SAFB2: variants seen among roughly 807,000 people sequenced by gnomAD.
SAFB2 encodes the protein scaffold attachment factor B2.
SAFB2 carries 32 observed loss-of-function variants against 100.6 expected under a neutral mutation model. The ratio of observed to expected loss-of-function variants is 0.32; its 90% CI spans 0.24 to 0.43. The LOEUF (loss-of-function observed/expected upper bound fraction) is 0.43, where lower values mean the gene tolerates loss of function less well. SAFB2 is among the 20% of genes least tolerant of loss of function. SAFB2 has a pLI of 1.00. For missense variants in SAFB2, 1,185 were observed against 1,163.4 expected, an observed-to-expected ratio of 1.02 and a Z score of -0.27; for synonymous variants, 500 against 439.4, an observed-to-expected ratio of 1.14 and a Z score of -1.72.
At position 5,622,551 on chromosome 19, in the gene SAFB2, G is replaced by C. The variant is rs771378589; in HGVS notation, c.165C>G (p.Val55=). 6 of 1,612,106 alleles carry C rather than the reference G, an allele frequency of 3.7e-6. No individual in the cohort carries two copies. The Admixed American group carries it at 8.3e-5, about 22-fold the overall frequency. The part of the protein sequence containing the change: ...RNLDTGGNKS[V]LMERLKKAVK... The stretch of plus-strand genomic sequence containing the variant: ...TCACCTTCTTGAGCCGCTCCATCAG[G>C]ACGCTCTTGTTGCCGCCCGTGTCCA... Residue 55 remains valine, a synonymous_variant, in exon 1 of 21, where the codon GTC becomes GTG. Coordinates refer to ENST00000252542, the MANE Select transcript of SAFB2 (RefSeq NM_014649.3).
Position 5,595,482 on chromosome 19 carries a change from C to T in SAFB2, c.1798G>A (p.Asp600Asn), listed in dbSNP as rs986210649. The T allele has an allele frequency of 3.7e-6, 6 of 1,613,792 alleles. No individual in the cohort carries two copies. The highest frequency in any genetic ancestry group is 5.1e-6 in the Non-Finnish European group (6 of 1,180,034). ...TTTTCTTTGCTTTCTGACTTGCGAT[C>T]CTGACTCTTGGAGCTCTGTTTACCA... ...RSKERSSKSQ[D>N]RKSESKEKRD... The change falls in exon 14 of 21, where the codon GAT becomes AAT. Residue 600 changes from aspartate to asparagine, a missense_variant. Around this residue, in one of 3 missense-constraint regions of SAFB2, gnomAD observed 740 missense variants for 687.1 expected, o/e 1.08. Transcript: ENST00000252542.
intron 15 of SAFB2, among the ~76,000 whole-genome samples, chr19:5,593,288 A>G (rs1224718180): frequency 1.3e-5 from 2 of 152,220 alleles, no homozygotes; most frequent in Admixed American, 6.5e-5. Context: ...TTCTTGCAAA[A>G]GCAAAGAGAA....
rs1350406861 is a variant in SAFB2, at chr19:5,587,499, G to A, written c.2706-100C>T. 19 of 1,485,438 alleles carry A rather than the reference G, an allele frequency of 1.3e-5. No individual in the cohort carries two copies. Among genetic ancestry groups the A allele is most frequent in the Non-Finnish European group, 1.7e-5 (19 of 1,111,830 alleles). 92.0% of individuals were successfully genotyped at this position (1,485,438 alleles called of 1,614,324 possible). A position where few individuals can be genotyped will look rare whatever the true frequency, so the allele number is the denominator to read the frequency against. On this transcript the variant is annotated intron_variant, in intron 20 of 20. Transcript: ENST00000252542. This position sits in a 1 kb window ranked among gnomAD's most constrained non-coding sequence, Gnocchi z 4.9. ...GTCCCGCAGCCTTTAGAGCGCTTGG[G>A]TTTTTTTTCCAGGTGAGAAAAATCA... is the stretch of plus-strand genomic sequence containing the variant.
chr19:5,593,378 G>A (rs569449537), intron 15 of SAFB2, among the ~76,000 whole-genome samples: 1 of 152,320 alleles, frequency 6.6e-6, no homozygotes, highest in South Asian at 2.1e-4. Flanking sequence ...CAGAAAACTA[G>A]GCTCACGGAG....
intron 13 of SAFB2, chr19:5,598,572 G>A (rs1032681525): frequency 1.6e-5 from 9 of 565,774 alleles, no homozygotes; most frequent in South Asian, 7.9e-5. Context: ...GGCACATCCC[G>A]GTCAGGAGCC....
intron 2 of SAFB2, among the ~76,000 whole-genome samples, chr19:5,620,131 CAA>C (rs879945233): frequency 6.6e-6 from 1 of 152,170 alleles, no homozygotes. Context: ...ACAAGAACAG[CAA>C]AAACGCATCC....
At chr19:5,604,959 ACT>A in intron 9 of SAFB2, 23 bp from the exon 10 acceptor site, 3 of 1,606,970 alleles carry the variant, frequency 1.9e-6, no homozygotes, top group Non-Finnish European at 2.5e-6. Flanking sequence ...GGGCACTCTT[ACT>A]CTCTCATACA....
At position 5,615,470 on chromosome 19, in the gene SAFB2, G is replaced by A. The variant is rs565507963; in HGVS notation, c.543+662C>T. 6.6e-5 allele frequency among the ~76,000 whole-genome samples: 10 copies of A among 152,246 alleles called. No individual in the cohort carries two copies. The East Asian group carries it at 1.9e-3, about 29-fold the overall frequency. On this transcript the variant is annotated intron_variant, in intron 4 of 20. Transcript: ENST00000252542. ...CACCTATAATCCCAGCACTCTGGGAGGCTGAGGCGGGAGGATTGCTTGAGC... is the reference window on the plus strand; with the variant it reads ...CACCTATAATCCCAGCACTCTGGGAAGCTGAGGCGGGAGGATTGCTTGAGC...
At chr19:5,616,103 A>G in intron 4 of SAFB2, 29 bp downstream of exon 4, 1 of 1,610,162 alleles carries the variant, frequency 6.2e-7, no homozygotes, top group South Asian at 1.1e-5. Context: ...GGCTATGGGC[A>G]CATCCTGCCG....
At chr19:5,605,943 A>C (rs1180605206) in intron 9 of SAFB2, among the ~76,000 whole-genome samples, 1 of 152,208 alleles carries the variant, frequency 6.6e-6, no homozygotes, top group Admixed American at 6.5e-5. Context: ...ACGCAGAGCA[A>C]GCTGAAGAGA....
At chr19:5,615,382 C>CA (rs2053003827) in intron 4 of SAFB2, among the ~76,000 whole-genome samples, 1 of 150,922 alleles carries the variant, frequency 6.6e-6, no homozygotes, top group Admixed American at 6.6e-5. Context: ...CAAAACACAA[C>CA]ATTAGGAGGA....
chr19:5,603,400 C>G (rs1331723361), intron 11 of SAFB2, among the ~76,000 whole-genome samples: 1 of 152,212 alleles, frequency 6.6e-6, no homozygotes, highest in Non-Finnish European at 1.5e-5. Flanking sequence ...ACTGCGTTGA[C>G]AACGTAAACT....
At chr19:5,622,372 CACACAGCCGGCCCCCTGGGTGCCCG>C (rs2053180505) in intron 1 of SAFB2, among the ~76,000 whole-genome samples, 133 bp downstream of exon 1, 1 of 152,148 alleles carries the variant, frequency 6.6e-6, no homozygotes, top group African/African-American at 2.4e-5. Context: ...GGGCCAAGGT[CACACAGCCGGCCCCCTGGGTGCCCG>C]ACACCTCGAA....
At chr19:5,598,740 G>T in intron 13 of SAFB2, 53 bp downstream of exon 13, 1 of 1,517,976 alleles carries the variant, frequency 6.6e-7, no homozygotes, top group East Asian at 2.3e-5. Context: ...CAAACGGGCC[G>T]TGGAGCCATC....
Position 5,611,482 on chromosome 19 carries a change from G to A in SAFB2, c.783C>T (p.Asp261=). 2.4e-6 allele frequency: 1 copy of A among 412,796 alleles called. No homozygotes were observed. Among genetic ancestry groups the A allele is most frequent in the Non-Finnish European group, 4.1e-6 (1 of 246,564 alleles). 25.6% of individuals were successfully genotyped at this position (412,796 alleles called of 1,614,324 possible). A position where few individuals can be genotyped will look rare whatever the true frequency, so the allele number is the denominator to read the frequency against. ...AATCACCCTCTTCCGGATGGGCGCT[G>A]TCAAATAGGTCCTCTTCCTCCGCAA... The part of the protein sequence containing the change: ...RKLAEEEDLF[D]SAHPEEGDLD... The change falls in exon 7 of 21, where the codon GAC becomes GAT. Residue 261 remains aspartate (D), a synonymous_variant. Coordinates refer to ENST00000252542, the MANE Select transcript of SAFB2 (RefSeq NM_014649.3).
chr19:5,594,376 T>TGGCAA (rs1387201120), intron 14 of SAFB2, among the ~76,000 whole-genome samples, 198 bp from the exon 15 acceptor site: 1 of 152,248 alleles, frequency 6.6e-6, no homozygotes, highest in Non-Finnish European at 1.5e-5. Context: ...GCAGCACAGC[T>TGGCAA]GGCAACATTT....
intron 15 of SAFB2, 102 bp downstream of exon 15, chr19:5,593,789 T>C (rs901424842): frequency 4.8e-6 from 6 of 1,241,232 alleles, no homozygotes; most frequent in Non-Finnish European, 6.3e-6. Context: ...AATTTCATTC[T>C]CCCCACCGAC....
intron 15 of SAFB2, chr19:5,593,521 A>C (rs570840544): frequency 1.4e-5 from 3 of 217,222 alleles, no homozygotes; most frequent in Admixed American, 5.7e-5. Context: ...GACACATGAG[A>C]CCGGCAGAGT....
chr19:5,614,487 C>G (rs941322221), intron 4 of SAFB2, among the ~76,000 whole-genome samples: 1 of 152,204 alleles, frequency 6.6e-6, no homozygotes, highest in Non-Finnish European at 1.5e-5. Context: ...ACAATAAGCA[C>G]ACAGCAGTAC....
Sources: allele counts gnomAD v4.1 joint callset (sites outside exome capture counted in the v4.1 genomes callset), GRCh38; gene constraint gnomAD v4.1.1; regional missense constraint gnomAD v4.1.1; non-coding constraint Gnocchi (gnomAD v3.1); transcripts MANE v1.5; gene names NCBI Gene and HGNC (gene_info 2026-07-23, HGNC 2026-07-21).